The following IFTAP variants were observed in gnomAD, a reference collection of about 807,000 sequenced individuals.
IFTAP encodes intraflagellar transport associated protein.
A neutral mutation model predicts 19.4 loss-of-function variants in IFTAP; 19 were observed. That is an observed-to-expected ratio of 0.98 (90% CI 0.68 to 1.44). IFTAP has a LOEUF of 1.44. Ranked by LOEUF, IFTAP falls within the 40% of genes most tolerant of loss-of-function variation. The probability of loss-of-function intolerance (pLI) is 0.00; values close to 1 mark genes in which losing one functional copy is unlikely to be tolerated. For missense variants in IFTAP, 240 were observed against 253.6 expected, an observed-to-expected ratio of 0.95 and a Z score of 0.36; for synonymous variants, 85 against 83.5, an observed-to-expected ratio of 1.02 and a Z score of -0.10.
chr11:36,640,501 G>T (rs751988714), intron 4 of IFTAP, among the ~76,000 whole-genome samples: 2 of 152,168 alleles, frequency 1.3e-5, no homozygotes, highest in South Asian at 4.1e-4. Flanking sequence ...AAACACTTGG[G>T]TGATTGAGTG....
intron 2 of IFTAP, among the ~76,000 whole-genome samples, chr11:36,620,986 A>G (rs1852267894): frequency 1.3e-5 from 2 of 152,022 alleles, no homozygotes; most frequent in Non-Finnish European, 2.9e-5. Context: ...AAACTTTTAC[A>G]GAATGAAAGA....
chr11:36,623,131 C>G (rs1852371238), intron 2 of IFTAP, among the ~76,000 whole-genome samples: 1 of 152,054 alleles, frequency 6.6e-6, no homozygotes, highest in Non-Finnish European at 1.5e-5. Context: ...CTGGAAGGTA[C>G]TTATTAAAAA....
At chr11:36,598,588 T>A (rs1310760686) in intron 1 of IFTAP, among the ~76,000 whole-genome samples, 1 of 152,218 alleles carries the variant, frequency 6.6e-6, no homozygotes, top group African/African-American at 2.4e-5. Context: ...AACTTTGAGG[T>A]ACTCTTTTGT....
At position 36,644,024 on chromosome 11, in the gene IFTAP, T is replaced by C. The variant is rs544897835; in HGVS notation, c.359-3992T>C. Among the ~76,000 whole-genome samples the C allele has an allele frequency of 4.2e-4, 64 of 152,170 alleles. 1 individual carries two copies. Among genetic ancestry groups the C allele is most frequent in the Admixed American group, 3.1e-3 (48 of 15,274 alleles). ...GAATCTAATTAAACTAAAGAGCGTC[T>C]GCACAGCAAAAGAAACTACCATCAG... On this transcript the variant is annotated intron_variant, in intron 4 of 5. Coordinates refer to ENST00000334307, the MANE Select transcript of IFTAP (RefSeq NM_138787.4).
At chr11:36,629,604 G>C (rs1346799774) in intron 2 of IFTAP, among the ~76,000 whole-genome samples, 1 of 151,416 alleles carries the variant, frequency 6.6e-6, no homozygotes, top group Admixed American at 6.6e-5. Flanking sequence ...TTTCAAAATT[G>C]AGTTCTTTAA....
At chr11:36,647,096 G>A (rs1183640954) in intron 4 of IFTAP, among the ~76,000 whole-genome samples, 2 of 152,030 alleles carry the variant, frequency 1.3e-5, no homozygotes, top group Non-Finnish European at 2.9e-5. Context: ...CCCTATACAT[G>A]CTGCCATTTG....
chr11:36,633,970 A>G (rs1364279825), intron 3 of IFTAP, among the ~76,000 whole-genome samples: 3 of 152,100 alleles, frequency 2.0e-5, no homozygotes, highest in Non-Finnish European at 4.4e-5. Context: ...CTGCTTTTTA[A>G]GCCATTTAAG....
At chr11:36,638,022 A>G (rs1853025150) in intron 4 of IFTAP, among the ~76,000 whole-genome samples, 1 of 152,018 alleles carries the variant, frequency 6.6e-6, no homozygotes, top group African/African-American at 2.4e-5. Context: ...CTGGGATTAC[A>G]GGTGCATGCT....
In IFTAP at chr11:36,640,307, A is replaced by G. The variant is rs534353505; in HGVS notation, c.358+4190A>G. On this transcript the variant is annotated intron_variant, in intron 4 of 5. Coordinates refer to ENST00000334307, the MANE Select transcript of IFTAP (RefSeq NM_138787.4). ...GCAGTTGTGTCATCTTCACTGTCATAAATTTATAATCAAAAACAAATGCCA... is the reference window on the plus strand; with the variant it reads ...GCAGTTGTGTCATCTTCACTGTCATGAATTTATAATCAAAAACAAATGCCA... Among the ~76,000 whole-genome samples the G allele has an allele frequency of 5.9e-5, 9 of 152,364 alleles. No homozygotes were observed. In the South Asian group the frequency reaches 1.9e-3, roughly 32 times the overall value.
intron 2 of IFTAP, among the ~76,000 whole-genome samples, chr11:36,624,160 T>C (rs1260415687): frequency 6.6e-6 from 1 of 152,084 alleles, no homozygotes; most frequent in Non-Finnish European, 1.5e-5. Flanking sequence ...GTTTTTTTGT[T>C]CATAGTACAA....
chr11:36,654,457 A>G (rs546835946), intron 5 of IFTAP, among the ~76,000 whole-genome samples: 8 of 152,170 alleles, frequency 5.3e-5, no homozygotes, highest in Admixed American at 1.3e-4. Flanking sequence ...ATGTCCATCA[A>G]TGATCTCCTG....
chr11:36,659,141 G>T lies in IFTAP; in HGVS notation c.621G>T (p.Gln207His). The T allele has an allele frequency of 6.2e-7, 1 of 1,605,494 alleles. No individual in the cohort carries two copies. The stretch of plus-strand genomic sequence containing the variant: ...ACATCAAAGAGCTATGCAAGCAGCA[G>T]AAGAGAAAGGACACCAGCCCAGACT... ...IENIKELCKQ[Q>H]KRKDTSPDLE... is the part of the protein sequence containing the mutation. The change falls in exon 6 of 6, where the codon CAG becomes CAT. Residue 207 changes from glutamine (Q) to histidine (H), a missense_variant. Physicochemically the swap from Gln to His is conservative, Grantham distance 24. Coordinates refer to ENST00000334307, the MANE Select transcript of IFTAP (RefSeq NM_138787.4).
intron 4 of IFTAP, among the ~76,000 whole-genome samples, chr11:36,647,771 C>T (rs904149749): frequency 6.6e-6 from 1 of 151,986 alleles, no homozygotes; most frequent in Admixed American, 6.6e-5. Flanking sequence ...CAGTACTCCT[C>T]CAGACATTTT....
chr11:36,598,494 T>A (rs1458936469), intron 1 of IFTAP, among the ~76,000 whole-genome samples: 1 of 152,260 alleles, frequency 6.6e-6, no homozygotes, highest in African/African-American at 2.4e-5. Flanking sequence ...ATAGTTTCTA[T>A]GGTTTAAATA....
At chr11:36,632,392 C>A (rs903287274) in intron 2 of IFTAP, among the ~76,000 whole-genome samples, 1 of 151,162 alleles carries the variant, frequency 6.6e-6, no homozygotes, top group Non-Finnish European at 1.5e-5. Flanking sequence ...TTTGCAGCTG[C>A]CTTTGGGTCA....
rs370062878 is a variant in IFTAP at position 36,607,974 on chromosome 11, CAG to C, written c.-23-2103_-23-2102del. Among the ~76,000 whole-genome samples, 346 of 152,230 alleles carry C rather than the reference CAG, an allele frequency of 2.3e-3. 4 individuals are homozygous for C. The highest frequency in any genetic ancestry group is 0.01 in the Middle Eastern group (3 of 294). On this transcript the variant is annotated intron_variant, in intron 1 of 5. Transcript: ENST00000334307. ...ATCCCTTTTTATAGATACGGGGAAA[CAG>C]AGACCCAGAGAGGTCAAGTAACTTG...
chr11:36,623,722 TAGGG>T, intron 2 of IFTAP, among the ~76,000 whole-genome samples: 1 of 152,326 alleles, frequency 6.6e-6, no homozygotes, highest in Non-Finnish European at 1.5e-5. Context: ...GACAAGAGAC[TAGGG>T]AGACCACACA....
At chr11:36,629,207 G>A (rs1247977691) in intron 2 of IFTAP, among the ~76,000 whole-genome samples, 1 of 151,244 alleles carries the variant, frequency 6.6e-6, no homozygotes, top group Non-Finnish European at 1.5e-5. Context: ...ATTGCTCTAG[G>A]CAAGGAGTGT....
chr11:36,599,604 A>G (rs1590729000), intron 1 of IFTAP, among the ~76,000 whole-genome samples: 2 of 152,152 alleles, frequency 1.3e-5, no homozygotes, highest in East Asian at 3.8e-4. Flanking sequence ...ATAAGTGACT[A>G]ATTTTTTGCA....
Sources: gnomAD v4.1 joint callset for allele counts (sites outside exome capture counted in the v4.1 genomes callset) on GRCh38, gnomAD v4.1.1 for gene constraint, MANE v1.5 for transcripts, NCBI Gene and HGNC (gene_info 2026-07-23, HGNC 2026-07-21) for gene names.